NTRK2: variants seen among roughly 807,000 people sequenced by gnomAD.
The protein encoded by NTRK2 is BDNF/NT-3 growth factors receptor.
A neutral mutation model predicts 94.5 loss-of-function variants in NTRK2; 13 were observed. The observed-to-expected ratio is 0.14, with a 90% confidence interval of 0.09 to 0.22. The LOEUF (loss-of-function observed/expected upper bound fraction) is 0.22. NTRK2 is among the 10% of genes least tolerant of loss of function. The pLI is 1.00. For missense variants in NTRK2, 639 were observed against 1,071.2 expected, an observed-to-expected ratio of 0.60 and a Z score of 5.63; for synonymous variants, 372 against 407.4, an observed-to-expected ratio of 0.91 and a Z score of 1.05.
At chr9:84,773,273 C>CT (rs1361050554) in intron 12 of NTRK2, among the ~76,000 whole-genome samples, 1 of 152,228 alleles carries the variant, frequency 6.6e-6, no homozygotes, top group Non-Finnish European at 1.5e-5. Context: ...AGAGCCTGCT[C>CT]TGGACTCTTA....
chr9:84,730,385 T>C (rs1045402546), intron 9 of NTRK2, among the ~76,000 whole-genome samples: 2 of 152,110 alleles, frequency 1.3e-5, no homozygotes, highest in South Asian at 2.1e-4. Context: ...CTCACAACCA[T>C]AGCACACAGA....
In NTRK2 at chr9:84,706,521, G is replaced by GTTTTTTTTTTTTTTTTT. The variant is rs1173199220; in HGVS notation, c.360-1318_360-1317insTTTTTTTTTTTTTTTTT. Among the ~76,000 whole-genome samples the GTTTTTTTTTTTTTTTTT allele has an allele frequency of 5.2e-4, 50 of 95,374 alleles. 6 individuals carry two copies. Among genetic ancestry groups the GTTTTTTTTTTTTTTTTT allele is most frequent in the East Asian group, 1.4e-3 (4 of 2,898 alleles). The allele number at this position is 95,374 out of a possible 152,430, so 62.6% of individuals were successfully genotyped here. On this transcript the variant is annotated intron_variant, in intron 4 of 18. Coordinates refer to ENST00000277120, the MANE Select transcript of NTRK2 (RefSeq NM_006180.6). ...TCAGATCTCATGTGTGTTATTTTTT[G>GTTTTTTTTTTTTTTTTT]TTTTTGTTTTTTTTTTTTTTTTTTT...
At chr9:84,923,172 G>A (rs2077624522) in intron 14 of NTRK2, among the ~76,000 whole-genome samples, 1 of 152,068 alleles carries the variant, frequency 6.6e-6, no homozygotes, top group South Asian at 2.1e-4. Flanking sequence ...TGGAGTTCTG[G>A]ACCTCAAAAA....
intron 6 of NTRK2, among the ~76,000 whole-genome samples, chr9:84,718,360 T>G (rs2061844107): frequency 6.6e-6 from 1 of 152,136 alleles, no homozygotes; most frequent in Non-Finnish European, 1.5e-5. Flanking sequence ...CAAGATACCC[T>G]GGTGATTCAT....
chr9:84,830,823 A>C (rs889502948), intron 12 of NTRK2, among the ~76,000 whole-genome samples: 4 of 152,180 alleles, frequency 2.6e-5, no homozygotes, highest in African/African-American at 9.6e-5. Context: ...TGTATTTTTT[A>C]AACAATATAT....
chr9:84,744,920 G>C, intron 10 of NTRK2, 53 bp from the exon 11 acceptor site: 10 of 1,236,684 alleles, frequency 8.1e-6, no homozygotes, highest in Non-Finnish European at 1.2e-5. Flanking sequence ...GTGTTTGTTG[G>C]CAGCTTAATG....
At chr9:84,868,809 A>T (rs2075711177) in intron 14 of NTRK2, among the ~76,000 whole-genome samples, 1 of 152,164 alleles carries the variant, frequency 6.6e-6, no homozygotes, top group Non-Finnish European at 1.5e-5. Context: ...TGATGGGAGC[A>T]TCTGTCATCA....
At chr9:84,712,286 C>T (rs2131850120) in intron 6 of NTRK2, among the ~76,000 whole-genome samples, 1 of 152,314 alleles carries the variant, frequency 6.6e-6, no homozygotes, top group Admixed American at 6.5e-5. Context: ...GGAATGCACC[C>T]CGCCTTACGT....
intron 17 of NTRK2, among the ~76,000 whole-genome samples, chr9:84,974,329 A>G (rs4314726): frequency 0.22 from 33,153 of 152,148 alleles, 4,329 homozygotes; most frequent in African/African-American, 0.37. Context: ...AAATGAATCA[A>G]TCGTTATGTG....
chr9:84,835,548 C>A (rs1334086755), intron 12 of NTRK2, among the ~76,000 whole-genome samples: 1 of 152,076 alleles, frequency 6.6e-6, no homozygotes, highest in East Asian at 1.9e-4. Context: ...AGAACAACAA[C>A]AACAACAACA....
At chr9:84,699,252 G>T (rs1005752254) in intron 2 of NTRK2, among the ~76,000 whole-genome samples, 1 of 152,044 alleles carries the variant, frequency 6.6e-6, no homozygotes, top group African/African-American at 2.4e-5. Flanking sequence ...TAGCCAGGAT[G>T]GTCTCAATCT....
At chr9:84,946,486 T>C (rs2078603158) in intron 15 of NTRK2, among the ~76,000 whole-genome samples, 1 of 152,198 alleles carries the variant, frequency 6.6e-6, no homozygotes, top group Non-Finnish European at 1.5e-5. Context: ...AATTGGAATG[T>C]ACTGTGGTCT....
intron 17 of NTRK2, 21 bp from the exon 18 acceptor site, chr9:85,020,185 T>C (rs2117924233): frequency 6.2e-7 from 1 of 1,613,846 alleles, no homozygotes; most frequent in Non-Finnish European, 8.5e-7. Flanking sequence ...GATGCCTCCC[T>C]GTTGATCCCT....
chr9:84,710,746 A>G lies in NTRK2; in HGVS notation c.538A>G (p.Ser180Gly). The change falls in exon 6 of 19, where the codon AGC becomes GGC. Residue 180 changes from serine (S) to glycine (G), a missense_variant. By Grantham distance (56) the Ser-to-Gly change is moderately conservative (BLOSUM62 0). Transcript: ENST00000277120. Reference protein sequence around the residue: ...DTQDLYCLNESSKNIPLANLQ... With the variant: ...DTQDLYCLNEGSKNIPLANLQ... ...TCAGGATTTGTACTGCCTGAATGAA[A>G]GCAGCAAGAATATTCCCCTGGCAAA... is the stretch of plus-strand genomic sequence containing the variant. 1 of 1,614,196 alleles carries G rather than the reference A, an allele frequency of 6.2e-7. No individual in the cohort carries two copies. Among genetic ancestry groups the G allele is most frequent in the Non-Finnish European group, 8.5e-7 (1 of 1,180,024 alleles).
At chr9:84,705,403 G>A (rs937793610) in intron 4 of NTRK2, among the ~76,000 whole-genome samples, 1 of 152,188 alleles carries the variant, frequency 6.6e-6, no homozygotes, top group Non-Finnish European at 1.5e-5. Context: ...CAAACAGTAA[G>A]AGGATTGTTG....
intron 9 of NTRK2, among the ~76,000 whole-genome samples, chr9:84,729,845 C>T (rs1388651912): frequency 6.6e-6 from 1 of 152,158 alleles, no homozygotes; most frequent in East Asian, 1.9e-4. Flanking sequence ...AAGCCAGTAG[C>T]TTCTGTTTTG....
chr9:84,738,135 C>A (rs79387136), intron 9 of NTRK2, among the ~76,000 whole-genome samples: 2,824 of 151,358 alleles, frequency 0.019, 181 homozygotes, highest in African/African-American at 0.065. Flanking sequence ...TGTCTCCCAA[C>A]ATGAAGATTT....
At chr9:84,802,348 C>A (rs186195964) in intron 12 of NTRK2, among the ~76,000 whole-genome samples, 5 of 152,260 alleles carry the variant, frequency 3.3e-5, no homozygotes, top group Admixed American at 3.3e-4. Context: ...CAGGGTTTTC[C>A]TCATATATAA....
chr9:85,012,269 G>A (rs1458302717), intron 17 of NTRK2, among the ~76,000 whole-genome samples: 3 of 152,076 alleles, frequency 2.0e-5, no homozygotes, highest in African/African-American at 7.2e-5. Flanking sequence ...TTACAGATGT[G>A]AGCCACTGTG....
Sources: gnomAD v4.1 joint callset for allele counts (sites outside exome capture counted in the v4.1 genomes callset) on GRCh38, gnomAD v4.1.1 for gene constraint, MANE v1.5 for transcripts, NCBI Gene and HGNC (gene_info 2026-07-23, HGNC 2026-07-21) for gene names.